AOPEP: variants seen among roughly 807,000 people sequenced by gnomAD.
AOPEP encodes aminopeptidase O (putative).
In AOPEP, 77 loss-of-function variants were observed where a neutral mutation model predicts 98.1. That is an observed-to-expected ratio of 0.78 (90% CI 0.65 to 0.95). AOPEP has a LOEUF of 0.95. AOPEP is among the 40% of genes least tolerant of loss of function. The pLI, the probability that AOPEP is intolerant of heterozygous loss-of-function variation, is 0.00. For synonymous variants in AOPEP, 346 were observed against 365.3 expected (o/e 0.95, Z 0.60); for missense variants, 1,024 against 1,024.7 (o/e 1.00, Z 0.01).
chr9:94,916,833 A>G (rs542274092), intron 5 of AOPEP, among the ~76,000 whole-genome samples: 51 of 152,368 alleles, frequency 3.3e-4, no homozygotes, highest in African/African-American at 1.2e-3. Context: ...ATGTATAACT[A>G]AATGAACAGA....
At chr9:94,872,104 G>T (rs2046412894) in intron 5 of AOPEP, among the ~76,000 whole-genome samples, 1 of 152,164 alleles carries the variant, frequency 6.6e-6, no homozygotes, top group Admixed American at 6.5e-5. Flanking sequence ...CAAAAGTAGT[G>T]TCTAGAATTT....
chr9:94,893,723 C>T lies in AOPEP; in HGVS notation c.1365-30263C>T, dbSNP rs147635130. On this transcript the variant is annotated intron_variant, in intron 5 of 16. Coordinates refer to ENST00000375315, the MANE Select transcript of AOPEP (RefSeq NM_001193329.3). ...CTGAACAACAGCTATGTACCAAATA[C>T]AATACCAGGTGTTAGAGTTAGAAAA... is the stretch of plus-strand genomic sequence containing the variant. 3.0e-4 allele frequency among the ~76,000 whole-genome samples: 45 copies of T among 152,252 alleles called. 1 individual carries two copies. In the East Asian group the frequency reaches 8.3e-3, roughly 28 times the overall value.
intron 5 of AOPEP, among the ~76,000 whole-genome samples, chr9:94,888,436 G>C (rs1173734853): frequency 6.6e-6 from 1 of 152,016 alleles, no homozygotes; most frequent in Non-Finnish European, 1.5e-5. Context: ...TTAACATCTT[G>C]TATAACCACA....
At chr9:95,107,725 G>C in the AOPEP span, among the ~76,000 whole-genome samples, 1 of 152,080 alleles carries the variant, frequency 6.6e-6, no homozygotes, top group Non-Finnish European at 1.5e-5. Context: ...GGGTCAGGGC[G>C]GGGGGTCGGG....
intron 1 of AOPEP, among the ~76,000 whole-genome samples, chr9:94,752,371 A>T (rs1429556210): frequency 3.3e-5 from 5 of 152,048 alleles, no homozygotes; most frequent in Non-Finnish European, 5.9e-5. Flanking sequence ...ACACACACAC[A>T]CACACACACA....
rs879443826 is a variant in AOPEP, at chr9:94,902,762, C to CT, written c.1365-21212dup. Among the ~76,000 whole-genome samples, 202 of 143,524 alleles carry CT rather than the reference C, an allele frequency of 1.4e-3. 1 individual carries two copies. The highest frequency in any genetic ancestry group is 4.9e-3 in the South Asian group (22 of 4,468). The allele number at this position is 143,524 out of a possible 152,430, so 94.2% of individuals were successfully genotyped here. On this transcript the variant is annotated intron_variant, in intron 5 of 16. Transcript: ENST00000375315. ...GAAAATTTAAAGCTCTTTTTAAAAT[C>CT]TTTTTTTTTTTTGCCGGGCACCGTG...
intron 5 of AOPEP, among the ~76,000 whole-genome samples, chr9:94,915,790 T>G (rs1358583828): frequency 6.6e-6 from 1 of 152,266 alleles, no homozygotes; most frequent in African/African-American, 2.4e-5. Context: ...AGGGCCTGAC[T>G]GGGGCTTGGC....
At chr9:94,764,208 A>G (rs1313848419) in intron 2 of AOPEP, among the ~76,000 whole-genome samples, 1 of 152,256 alleles carries the variant, frequency 6.6e-6, no homozygotes, top group African/African-American at 2.4e-5. Flanking sequence ...CAATCTAATC[A>G]TGAGAAAAGC....
In AOPEP at chr9:94,834,839, TACATACATACATACAA is replaced by T. The variant is rs1356460107; in HGVS notation, c.1364+33841_1364+33856del. ...ATACATACATACATACATACATACA[TACATACATACATACAA>T]ACAATAAAACAAAAAAGATTTTTTA... On this transcript the variant is annotated intron_variant, in intron 5 of 16. Transcript: ENST00000375315. Among the ~76,000 whole-genome samples, 25 of 152,110 alleles carry T rather than the reference TACATACATACATACAA, an allele frequency of 1.6e-4. No individual in the cohort carries two copies. The East Asian group carries it at 2.9e-3, about 18-fold the overall frequency.
chr9:95,101,947 A>C, the AOPEP span: 1 of 1,403,284 alleles, frequency 7.1e-7, no homozygotes, highest in Non-Finnish European at 9.9e-7. Context: ...TCCCTGAAAG[A>C]AGCCCTATCC....
chr9:95,055,163 C>G (rs116569943), intron 13 of AOPEP, among the ~76,000 whole-genome samples: 1,864 of 152,270 alleles, frequency 0.012, 42 homozygotes, highest in African/African-American at 0.042. Flanking sequence ...TAGGCAGGCT[C>G]TTGGGCAGAC....
the AOPEP span, among the ~76,000 whole-genome samples, chr9:95,120,534 C>G: frequency 6.6e-6 from 1 of 152,072 alleles, no homozygotes; most frequent in Non-Finnish European, 1.5e-5. Flanking sequence ...CCCACTTCAC[C>G]CCCCGAGTAG....
intron 5 of AOPEP, among the ~76,000 whole-genome samples, chr9:94,908,566 C>T (rs2051523878): frequency 6.6e-6 from 1 of 152,130 alleles, no homozygotes; most frequent in African/African-American, 2.4e-5. Flanking sequence ...TCATTCTTTC[C>T]TTTAACTCTG....
At chr9:94,960,639 C>T (rs1031231055) in intron 9 of AOPEP, among the ~76,000 whole-genome samples, 4 of 152,102 alleles carry the variant, frequency 2.6e-5, no homozygotes, top group African/African-American at 9.7e-5. Flanking sequence ...TTTGATTCAG[C>T]TCTTTGCTGG....
chr9:94,758,266 A>C (rs969073199), intron 1 of AOPEP, among the ~76,000 whole-genome samples: 3 of 152,214 alleles, frequency 2.0e-5, no homozygotes, highest in African/African-American at 7.2e-5. Flanking sequence ...TTCAGGAAGC[A>C]GTGTTTTGAG....
intron 5 of AOPEP, among the ~76,000 whole-genome samples, chr9:94,921,594 A>ATG (rs2053627631): frequency 6.6e-6 from 1 of 152,210 alleles, no homozygotes; most frequent in Non-Finnish European, 1.5e-5. Flanking sequence ...TGGTCCTTTT[A>ATG]TGTCAGGATT....
intron 1 of AOPEP, among the ~76,000 whole-genome samples, chr9:94,754,760 A>G (rs1231794905): frequency 6.6e-6 from 1 of 152,248 alleles, no homozygotes; most frequent in Non-Finnish European, 1.5e-5. Context: ...GGATGGAAGT[A>G]ACTATAAAAT....
At chr9:94,919,866 G>T (rs78394717) in intron 5 of AOPEP, among the ~76,000 whole-genome samples, 2,368 of 152,278 alleles carry the variant, frequency 0.016, 64 homozygotes, top group African/African-American at 0.054. Flanking sequence ...CCTCTCTCGG[G>T]TCTTCCTTTG....
At chr9:95,014,471 CAAA>C (rs886672341) in intron 13 of AOPEP, among the ~76,000 whole-genome samples, 1 of 136,914 alleles carries the variant, frequency 7.3e-6, no homozygotes, top group Admixed American at 7.3e-5. Flanking sequence ...GACCCTGTTT[CAAA>C]AAAAAAAAAG....
Sources: gnomAD v4.1 joint callset for allele counts (sites outside exome capture counted in the v4.1 genomes callset) on GRCh38, gnomAD v4.1.1 for gene constraint, MANE v1.5 for transcripts, NCBI Gene and HGNC (gene_info 2026-07-23, HGNC 2026-07-21) for gene names.